Variants in GINS1 observed in about 807,000 individuals in gnomAD.
GINS1 encodes the protein DNA replication complex GINS protein PSF1.
Under a neutral mutation model 34.9 loss-of-function variants are expected in GINS1, and 26 were observed. The observed-to-expected ratio is 0.74, with a 90% confidence interval of 0.55 to 1.03. GINS1 has a LOEUF of 1.03. Among genes scored for constraint, GINS1 ranks in the 50% least tolerant of loss-of-function variants. The pLI is 0.00. For synonymous variants in GINS1, 97 were observed against 84.4 expected (o/e 1.15, Z -0.82); for missense variants, 235 against 237.9 (o/e 0.99, Z 0.08).
chr20:25,430,789 CAA>C (rs1419110216), intron 5 of GINS1, among the ~76,000 whole-genome samples: 1 of 152,190 alleles, frequency 6.6e-6, no homozygotes, highest in African/African-American at 2.4e-5. Flanking sequence ...CTTGGCCTCC[CAA>C]AGTGCTGGGA....
chr20:25,443,028 C>T (rs2090491312), intron 6 of GINS1: 1 of 152,058 alleles, frequency 6.6e-6, no homozygotes. Context: ...ATCTGTTGAC[C>T]CTAAGGATTT....
At chr20:25,435,303 T>G (rs1283993069) in intron 5 of GINS1, among the ~76,000 whole-genome samples, 1 of 152,146 alleles carries the variant, frequency 6.6e-6, no homozygotes, top group Non-Finnish European at 1.5e-5. Context: ...GCTGCTTTCT[T>G]TTTGAATTTT....
chr20:25,422,715 T>C (rs1379152510), intron 4 of GINS1, among the ~76,000 whole-genome samples: 1 of 152,248 alleles, frequency 6.6e-6, no homozygotes, highest in Non-Finnish European at 1.5e-5. Flanking sequence ...TTGATGACTT[T>C]CACTAAATGT....
chr20:25,444,268 C>G (rs1238444004), intron 6 of GINS1, among the ~76,000 whole-genome samples: 1 of 152,102 alleles, frequency 6.6e-6, no homozygotes. Flanking sequence ...CTGCCTTGGC[C>G]TCCCAAAGTG....
Position 25,446,809 on chromosome 20 carries a change from A to G in GINS1, c.*818A>G, listed in dbSNP as rs2090514835. On this transcript the variant is annotated 3_prime_UTR_variant, in exon 7 of 7. Coordinates refer to ENST00000262460, the MANE Select transcript of GINS1 (RefSeq NM_021067.5). ...AGATTCAGATTGACTGAAAAGTCACATGAAGAGTTGATTGTCTTTTAATGG... is the reference window on the plus strand; with the variant it reads ...AGATTCAGATTGACTGAAAAGTCACGTGAAGAGTTGATTGTCTTTTAATGG... 6.6e-6 allele frequency: 1 copy of G among 152,236 alleles called. No individual in the cohort carries two copies. The highest frequency in any genetic ancestry group is 1.9e-4 in the East Asian group (1 of 5,206). 9.4% of individuals were successfully genotyped at this position (152,236 alleles called of 1,614,324 possible).
chr20:25,410,895 T>C (rs1024794868), intron 1 of GINS1, among the ~76,000 whole-genome samples: 7 of 152,078 alleles, frequency 4.6e-5, no homozygotes, highest in African/African-American at 1.4e-4. Flanking sequence ...GAATCACTCA[T>C]GGTTAAGCGC....
intron 5 of GINS1, 63 bp from the exon 6 acceptor site, chr20:25,441,639 A>AT: frequency 1.3e-6 from 1 of 776,434 alleles, no homozygotes; most frequent in Non-Finnish European, 2.2e-6. Flanking sequence ...ATGCTGATTT[A>AT]TTTTTTGGTC....
intron 3 of GINS1, among the ~76,000 whole-genome samples, chr20:25,417,474 A>C (rs1021167799): frequency 2.0e-5 from 3 of 151,986 alleles, no homozygotes; most frequent in African/African-American, 7.3e-5. Context: ...ATCGTGTTTC[A>C]CTTGTTGGTG....
chr20:25,445,681 C>T (rs2090508243), intron 6 of GINS1, among the ~76,000 whole-genome samples: 1 of 152,102 alleles, frequency 6.6e-6, no homozygotes, highest in Non-Finnish European at 1.5e-5. Context: ...CGCGGTTTCT[C>T]CATGTTGGTT....
chr20:25,425,710 A>G (rs1006440841), intron 5 of GINS1, among the ~76,000 whole-genome samples: 1 of 152,224 alleles, frequency 6.6e-6, no homozygotes, highest in African/African-American at 2.4e-5. Context: ...AACAAAGTTA[A>G]ATCAAAATGG....
chr20:25,442,048 GGTAA>G (rs1259435943), intron 6 of GINS1, among the ~76,000 whole-genome samples: 2 of 151,984 alleles, frequency 1.3e-5, no homozygotes, highest in East Asian at 3.9e-4. Context: ...CCTTATTCTG[GGTAA>G]GTGATAGATT....
intron 5 of GINS1, among the ~76,000 whole-genome samples, chr20:25,432,080 C>T (rs2090430214): frequency 6.6e-6 from 1 of 152,064 alleles, no homozygotes; most frequent in African/African-American, 2.4e-5. Flanking sequence ...ACCATGTTGG[C>T]CAGGCTGGTC....
In GINS1 at chr20:25,440,890, C is replaced by T. The variant is rs192549116; in HGVS notation, c.448-812C>T. 1.1e-4 allele frequency among the ~76,000 whole-genome samples: 17 copies of T among 151,132 alleles called. No individual in the cohort carries two copies. In the East Asian group the frequency reaches 3.3e-3, roughly 29 times the overall value. On this transcript the variant is annotated intron_variant, in intron 5 of 6. Transcript: ENST00000262460. ...GGGATTTTTCTGGAGTGGTATTTCT[C>T]ATATTTAATTAAAATACTTTGGGTG...
chr20:25,431,727 C>T (rs1169192631), intron 5 of GINS1, among the ~76,000 whole-genome samples: 4 of 151,664 alleles, frequency 2.6e-5, no homozygotes, highest in South Asian at 2.1e-4. Flanking sequence ...TGCGCCACCA[C>T]GCCCGGCTAA....
At chr20:25,417,056 T>G (rs1180464536) in intron 2 of GINS1, 48 bp from the exon 3 acceptor site, 1 of 854,570 alleles carries the variant, frequency 1.2e-6, no homozygotes, top group Non-Finnish European at 1.9e-6. Context: ...AAAATTTTAC[T>G]TATCCTGAAA....
intron 1 of GINS1, among the ~76,000 whole-genome samples, chr20:25,412,117 G>A (rs894518006): frequency 2.6e-5 from 4 of 151,614 alleles, no homozygotes; most frequent in Admixed American, 6.6e-5. Flanking sequence ...CAACAACAAC[G>A]AAAAAAATCA....
intron 4 of GINS1, 23 bp downstream of exon 4, chr20:25,418,218 T>G: frequency 2.2e-6 from 3 of 1,362,076 alleles, no homozygotes; most frequent in Non-Finnish European, 3.2e-6. Flanking sequence ...TGTTCAAGTT[T>G]ATAAATTTTG....
At chr20:25,409,791 G>T (rs2090271970) in intron 1 of GINS1, among the ~76,000 whole-genome samples, 1 of 152,180 alleles carries the variant, frequency 6.6e-6, no homozygotes, top group South Asian at 2.1e-4. Context: ...AAAAAGTTAG[G>T]CAGCAGTCTG....
intron 6 of GINS1, 35 bp from the exon 7 acceptor site, chr20:25,445,888 T>G: frequency 7.8e-7 from 1 of 1,289,228 alleles, no homozygotes; most frequent in Non-Finnish European, 1.1e-6. Flanking sequence ...CAATCATTTA[T>G]TTTACTCTTT....
Sources: allele counts gnomAD v4.1 joint callset (sites outside exome capture counted in the v4.1 genomes callset), GRCh38; gene constraint gnomAD v4.1.1; transcripts MANE v1.5; gene names NCBI Gene and HGNC (gene_info 2026-07-23, HGNC 2026-07-21).